ANKFN1: variants seen among roughly 807,000 people sequenced by gnomAD.
ANKFN1 encodes ankyrin repeat and fibronectin type-III domain-containing protein 1.
In ANKFN1, 74 loss-of-function variants were observed where a neutral mutation model predicts 108.7. The ratio of observed to expected loss-of-function variants is 0.68; its 90% CI spans 0.56 to 0.83. The LOEUF is 0.83. Ranked by LOEUF, ANKFN1 falls within the 40% of genes least tolerant of loss-of-function variation. ANKFN1 has a pLI of 0.00. For missense variants in ANKFN1, 1,505 were observed against 1,382.3 expected (o/e 1.09, Z -1.41); for synonymous variants, 547 against 516.2 (o/e 1.06, Z -0.81).
intron 3 of ANKFN1, among the ~76,000 whole-genome samples, chr17:56,296,553 G>A (rs535133864): frequency 4.6e-5 from 7 of 152,190 alleles, no homozygotes; most frequent in East Asian, 1.9e-4. Flanking sequence ...ATGTGGTGGC[G>A]CATGCCTGTA....
chr17:56,247,414 T>C (rs1185040123), intron 3 of ANKFN1, among the ~76,000 whole-genome samples: 1 of 152,214 alleles, frequency 6.6e-6, no homozygotes, highest in East Asian at 1.9e-4. Flanking sequence ...GGCCTTGGGC[T>C]AACAACCCTA....
intron 19 of ANKFN1, among the ~76,000 whole-genome samples, chr17:56,498,191 C>T (rs182525643): frequency 1.3e-5 from 2 of 152,116 alleles, no homozygotes; most frequent in Admixed American, 1.3e-4. Context: ...CCGTTTTGAA[C>T]TTTAGAAGCC....
intron 1 of ANKFN1, chr17:56,174,217 C>T: frequency 1.9e-5 from 19 of 985,552 alleles, no homozygotes; most frequent in Non-Finnish European, 2.3e-5. Context: ...GCAGGGTTCT[C>T]TCTTTGCCAG....
At chr17:56,331,181 A>T (rs375519320) in intron 4 of ANKFN1, among the ~76,000 whole-genome samples, 1 of 152,188 alleles carries the variant, frequency 6.6e-6, no homozygotes, top group African/African-American at 2.4e-5. Flanking sequence ...TTCTCAAATC[A>T]TAGTACATTT....
At chr17:56,399,846 TATA>T (rs1567972997) in intron 8 of ANKFN1, among the ~76,000 whole-genome samples, 18 of 114,458 alleles carry the variant, frequency 1.6e-4, no homozygotes, top group African/African-American at 1.1e-3. Context: ...CCATTTTTTA[TATA>T]TATATATATA....
chr17:56,310,565 C>T (rs1203934831), intron 3 of ANKFN1, among the ~76,000 whole-genome samples: 1 of 150,036 alleles, frequency 6.7e-6, no homozygotes, highest in Non-Finnish European at 1.5e-5. Flanking sequence ...TGCAGTGAGC[C>T]GAGATCGAGC....
rs113995623 is a variant in ANKFN1, at chr17:56,359,272, A to C, written c.601+5226A>C. 1.2e-3 allele frequency among the ~76,000 whole-genome samples: 179 copies of C among 152,248 alleles called. 1 individual carries two copies. The highest frequency in any genetic ancestry group is 4.0e-3 in the African/African-American group (166 of 41,544). On this transcript the variant is annotated intron_variant, in intron 6 of 20. Transcript: ENST00000682825. ...TGCATACACAGAATGTAGGGAAAAA[A>C]ACCTTCAAGTCTTCTAGTAACTTAA...
At chr17:56,414,384 A>G (rs939083759) in intron 8 of ANKFN1, among the ~76,000 whole-genome samples, 1 of 152,188 alleles carries the variant, frequency 6.6e-6, no homozygotes, top group Non-Finnish European at 1.5e-5. Context: ...GAACTTCCAA[A>G]CTCATTCTAC....
At position 56,190,518 on chromosome 17, in the gene ANKFN1, C is replaced by A. The variant is rs943600260; in HGVS notation, c.-70-22080C>A. Among the ~76,000 whole-genome samples the A allele has an allele frequency of 3.3e-4, 47 of 144,028 alleles. No homozygotes were observed. The East Asian group carries it at 9.2e-3, about 28-fold the overall frequency. The allele number at this position is 144,028 out of a possible 152,430, so 94.5% of individuals were successfully genotyped here. The stretch of plus-strand genomic sequence containing the variant: ...GTTGTTCAGTTTCCATGTAGTCGAG[C>A]GGCTTTGAGTGAGATTCTTAATCCT... On this transcript the variant is annotated intron_variant, in intron 1 of 20. Transcript: ENST00000682825.
chr17:56,286,047 A>G (rs1412500829), intron 3 of ANKFN1, among the ~76,000 whole-genome samples: 1 of 152,048 alleles, frequency 6.6e-6, no homozygotes, highest in African/African-American at 2.4e-5. Context: ...TGGAAAAGTT[A>G]CCCTATCCAG....
intron 4 of ANKFN1, among the ~76,000 whole-genome samples, chr17:56,077,999 A>G (rs1905200768): frequency 1.3e-5 from 2 of 152,316 alleles, no homozygotes; most frequent in South Asian, 4.1e-4. Flanking sequence ...TTGTGTTGGT[A>G]TGCCGTGGAG....
chr17:56,391,364 ATATATGTG>A (rs1453571706), intron 8 of ANKFN1, among the ~76,000 whole-genome samples: 4 of 86,566 alleles, frequency 4.6e-5, no homozygotes, highest in African/African-American at 1.2e-4. Flanking sequence ...GAATACATAT[ATATATGTG>A]TGTGTGTGTG....
In ANKFN1 at chr17:56,189,170, C is replaced by CATTTTTTTTTTTTT. The variant is rs1555607722; in HGVS notation, c.-70-23428_-70-23427insATTTTTTTTTTTTT. Among the ~76,000 whole-genome samples, 126 of 85,224 alleles carry CATTTTTTTTTTTTT rather than the reference C, an allele frequency of 1.5e-3. 2 individuals carry two copies. Among genetic ancestry groups the CATTTTTTTTTTTTT allele is most frequent in the African/African-American group, 3.8e-3 (56 of 14,750 alleles). The allele number at this position is 85,224 out of a possible 152,430, so 55.9% of individuals were successfully genotyped here. On this transcript the variant is annotated intron_variant, in intron 1 of 20. Coordinates refer to ENST00000682825, the MANE Select transcript of ANKFN1 (RefSeq NM_001370326.1). ...CCTAAGTAAGTAAATGTTGCCCTGA[C>CATTTTTTTTTTTTT]TTTTTTTTTTTTTTTTTTGAGACGG...
In ANKFN1 at chr17:56,147,266, G is replaced by T. The variant is rs139451136; in HGVS notation, c.289-80651G>T. ...AGCCTTCCAAACTGTTCCAGCCTCT[G>T]CCTGTTACCCAGTTCCAAAGTCCCT... On this transcript the variant is annotated intron_variant, in intron 4 of 12. Transcript: ENST00000635860. Among the ~76,000 whole-genome samples the T allele has an allele frequency of 4.9e-3, 748 of 152,236 alleles. 8 individuals carry two copies. The highest frequency in any genetic ancestry group is 0.026 in the Admixed American group (396 of 15,302).
intron 1 of ANKFN1, among the ~76,000 whole-genome samples, chr17:56,201,027 G>A (rs899750430): frequency 6.6e-6 from 1 of 152,150 alleles, no homozygotes; most frequent in Non-Finnish European, 1.5e-5. Context: ...TCTTCTAATG[G>A]TGGAGCCCTC....
intron 1 of ANKFN1, among the ~76,000 whole-genome samples, chr17:56,192,116 T>A (rs1912996998): frequency 6.6e-6 from 1 of 151,888 alleles, no homozygotes; most frequent in African/African-American, 2.4e-5. Flanking sequence ...AACTATCTGA[T>A]CTTTGACAAA....
In ANKFN1 at chr17:56,164,578, T is replaced by A. The variant is rs1017057261; in HGVS notation, c.-71+11048T>A. On this transcript the variant is annotated intron_variant, in intron 1 of 20. Coordinates refer to ENST00000682825, the MANE Select transcript of ANKFN1 (RefSeq NM_001370326.1). ...TGAATTAATTAAGTGAAAAAAAGAT[T>A]TAGAGACACAGCTTTCTTAATATCA... 9.9e-5 allele frequency among the ~76,000 whole-genome samples: 15 copies of A among 152,154 alleles called. 1 individual carries two copies. Among genetic ancestry groups the A allele is most frequent in the Admixed American group, 8.5e-4 (13 of 15,272 alleles).
chr17:56,491,227 C>G (rs2051028137), intron 18 of ANKFN1, among the ~76,000 whole-genome samples: 3 of 152,140 alleles, frequency 2.0e-5, no homozygotes, highest in Admixed American at 2.0e-4. Context: ...TGTAACAGCC[C>G]TATTTCCAAA....
intron 4 of ANKFN1, among the ~76,000 whole-genome samples, chr17:56,057,843 T>C (rs182538881): frequency 3.0e-4 from 46 of 152,224 alleles, no homozygotes; most frequent in Admixed American, 2.8e-3. Context: ...ATGGGTGTTA[T>C]GTTAGAAGGC....
Sources: allele counts gnomAD v4.1 joint callset (sites outside exome capture counted in the v4.1 genomes callset), GRCh38; gene constraint gnomAD v4.1.1; transcripts MANE v1.5; gene names NCBI Gene and HGNC (gene_info 2026-07-23, HGNC 2026-07-21).